The following PXYLP1 variants were observed in gnomAD, a reference collection of about 807,000 sequenced individuals.
The protein encoded by PXYLP1 is 2-phosphoxylose phosphatase 1, also known as acid phosphatase-like 2.
In PXYLP1, 17 loss-of-function variants were observed where a neutral mutation model predicts 37.9. That is an observed-to-expected ratio of 0.45 (90% CI 0.31 to 0.67). The LOEUF (loss-of-function observed/expected upper bound fraction) is 0.67, where lower values mean the gene tolerates loss of function less well. PXYLP1 is among the 30% of genes least tolerant of loss of function. The pLI is 0.07. For synonymous variants in PXYLP1, 221 were observed against 232.2 expected (o/e 0.95, Z 0.44); for missense variants, 511 against 612.0 (o/e 0.84, Z 1.74).
intron 1 of PXYLP1, 54 bp from the exon 2 acceptor site, chr3:141,260,069 A>T: frequency 7.4e-7 from 1 of 1,347,238 alleles, no homozygotes; most frequent in Non-Finnish European, 1.0e-6. Flanking sequence ...TTCAGTTGAC[A>T]AATTTAGTTC....
chr3:141,245,320 G>A (rs1319697531), intron 1 of PXYLP1, among the ~76,000 whole-genome samples: 1 of 151,994 alleles, frequency 6.6e-6, no homozygotes, highest in African/African-American at 2.4e-5. Context: ...ACACGCCTTG[G>A]CCTCCCAAAG....
chr3:141,271,730 C>T (rs1346213938), intron 2 of PXYLP1, among the ~76,000 whole-genome samples: 1 of 152,256 alleles, frequency 6.6e-6, no homozygotes, highest in Admixed American at 6.5e-5. Flanking sequence ...CTGACTCCCA[C>T]TGCAGAAGTG....
intron 2 of PXYLP1, among the ~76,000 whole-genome samples, chr3:141,268,653 A>G (rs938089185): frequency 2.6e-5 from 4 of 152,208 alleles, no homozygotes; most frequent in African/African-American, 9.6e-5. Context: ...AAGAGGAGAC[A>G]AGGGCAGAAT....
Position 141,292,745 on chromosome 3 carries a change from A to G in PXYLP1, c.983A>G (p.Gln328Arg). 1 of 1,614,010 alleles carries G rather than the reference A, an allele frequency of 6.2e-7. No individual in the cohort carries two copies. The highest frequency in any genetic ancestry group is 8.5e-7 in the Non-Finnish European group (1 of 1,179,948). Reference protein sequence around the residue: ...MEHFKVIKTHQIEDERERREK... With the variant: ...MEHFKVIKTHRIEDERERREK... ...CACTTCAAGGTAATTAAGACCCATC[A>G]GATCGAGGATGAAAGGGAAAGACGG... Residue 328 changes from glutamine (Q) to arginine (R), a missense_variant, in exon 6 of 6, where the codon CAG becomes CGG. Physicochemically the swap from Gln to Arg is conservative, Grantham distance 43 (BLOSUM62 1). Coordinates refer to ENST00000286353, the MANE Select transcript of PXYLP1 (RefSeq NM_001037172.3). This position sits in a 1 kb window ranked among gnomAD's most constrained non-coding sequence, Gnocchi z 4.3.
chr3:141,288,924 C>G (rs1942137956), intron 5 of PXYLP1, among the ~76,000 whole-genome samples: 1 of 152,160 alleles, frequency 6.6e-6, no homozygotes, highest in African/African-American at 2.4e-5. Flanking sequence ...TGAATGTAAT[C>G]TTTCTATGCA....
Position 141,292,875 on chromosome 3 carries a change from C to T in PXYLP1, c.1113C>T (p.Leu371=). Residue 371 remains leucine, a synonymous_variant, in exon 6 of 6, where the codon CTC becomes CTT. Coordinates refer to ENST00000286353, the MANE Select transcript of PXYLP1 (RefSeq NM_001037172.3). This position sits in a 1 kb window ranked among gnomAD's most constrained non-coding sequence, Gnocchi z 4.3. ...QRATEGRKEE[L]FALYSAHDVT... ...CCACCGAGGGCAGGAAAGAAGAGCT[C>T]TTTGCCCTCTACTCTGCTCATGATG... 6.2e-7 allele frequency: 1 copy of T among 1,614,216 alleles called. No homozygotes were observed. Among genetic ancestry groups the T allele is most frequent in the Non-Finnish European group, 8.5e-7 (1 of 1,180,048 alleles).
At chr3:141,285,144 CTTTTT>C in intron 4 of PXYLP1, among the ~76,000 whole-genome samples, 1 of 78,798 alleles carries the variant, frequency 1.3e-5, no homozygotes, top group South Asian at 5.4e-4. Flanking sequence ...TTTTCTTTTT[CTTTTT>C]TTTTTTTTTT....
chr3:141,268,519 C>G (rs777230666), intron 2 of PXYLP1, among the ~76,000 whole-genome samples: 2 of 152,142 alleles, frequency 1.3e-5, no homozygotes, highest in Non-Finnish European at 2.9e-5. Flanking sequence ...GGGCTTTGGC[C>G]CCATGCTGAT....
At chr3:141,241,966 A>G (rs1330563532) in intron 1 of PXYLP1, among the ~76,000 whole-genome samples, 1 of 152,214 alleles carries the variant, frequency 6.6e-6, no homozygotes, top group Non-Finnish European at 1.5e-5. Flanking sequence ...CTCAGGCTAT[A>G]AAAATAGAGG....
intron 2 of PXYLP1, among the ~76,000 whole-genome samples, chr3:141,276,191 AG>A (rs1941790192): frequency 6.6e-6 from 1 of 152,236 alleles, no homozygotes; most frequent in Non-Finnish European, 1.5e-5. Flanking sequence ...AAATTGCCTA[AG>A]GGCCATCTCT....
At chr3:141,252,762 G>A (rs184359493) in intron 1 of PXYLP1, among the ~76,000 whole-genome samples, 8 of 152,196 alleles carry the variant, frequency 5.3e-5, no homozygotes, top group African/African-American at 1.9e-4. Context: ...TCACATCTGG[G>A]CATGACAGTG....
At chr3:141,263,910 G>A (rs1941451189) in intron 2 of PXYLP1, among the ~76,000 whole-genome samples, 1 of 152,222 alleles carries the variant, frequency 6.6e-6, no homozygotes, top group African/African-American at 2.4e-5. Context: ...TTCCGTCATA[G>A]TGCACCATCA....
intron 2 of PXYLP1, among the ~76,000 whole-genome samples, chr3:141,275,320 G>A (rs575713851): frequency 6.6e-6 from 1 of 152,344 alleles, no homozygotes; most frequent in African/African-American, 2.4e-5. Flanking sequence ...AGCCACAACA[G>A]GCCTCACCCC....
intron 2 of PXYLP1, among the ~76,000 whole-genome samples, chr3:141,275,964 T>C (rs1375722643): frequency 6.6e-6 from 1 of 152,252 alleles, no homozygotes; most frequent in African/African-American, 2.4e-5. Flanking sequence ...TGCCATATTA[T>C]AATACCATAT....
chr3:141,260,099 T>G, intron 1 of PXYLP1, 24 bp from the exon 2 acceptor site: 1 of 1,562,458 alleles, frequency 6.4e-7, no homozygotes, highest in East Asian at 2.2e-5. Context: ...AAACACTCAT[T>G]TATCACCTCT....
intron 1 of PXYLP1, among the ~76,000 whole-genome samples, chr3:141,250,578 C>T (rs1941118979): frequency 6.6e-6 from 1 of 152,198 alleles, no homozygotes; most frequent in Non-Finnish European, 1.5e-5. Context: ...CAGTGAGATG[C>T]GATGGGCAGC....
At chr3:141,268,198 AGAGAGAGAGTGTGTGTGTGTGT>A (rs1348207502) in intron 2 of PXYLP1, among the ~76,000 whole-genome samples, 1 of 44,254 alleles carries the variant, frequency 2.3e-5, no homozygotes, top group African/African-American at 5.2e-5. Flanking sequence ...AGAGAGAGAG[AGAGAGAGAGTGTGTGTGTGTGT>A]GTGTGTGTGT....
intron 4 of PXYLP1, among the ~76,000 whole-genome samples, chr3:141,281,267 G>A (rs1490031046): frequency 6.6e-6 from 1 of 152,236 alleles, no homozygotes; most frequent in African/African-American, 2.4e-5. Context: ...GATGGTCCGG[G>A]GACAGAGCGT....
chr3:141,280,190 G>T (rs772768188), intron 4 of PXYLP1, among the ~76,000 whole-genome samples: 36 of 152,252 alleles, frequency 2.4e-4, no homozygotes, highest in Non-Finnish European at 3.7e-4. Context: ...TTCTAGCAGA[G>T]TTTAGTGAAT....
Sources: allele counts gnomAD v4.1 joint callset (sites outside exome capture counted in the v4.1 genomes callset), GRCh38; gene constraint gnomAD v4.1.1; non-coding constraint Gnocchi (gnomAD v3.1); transcripts MANE v1.5; gene names NCBI Gene and HGNC (gene_info 2026-07-23, HGNC 2026-07-21).